Variants in PRKAG2 observed in about 807,000 individuals in gnomAD.
PRKAG2 encodes the protein protein kinase AMP-activated non-catalytic subunit gamma 2.
PRKAG2 carries 26 observed loss-of-function variants against 69.6 expected under a neutral mutation model. The ratio of observed to expected loss-of-function variants is 0.37; its 90% confidence interval spans 0.27 to 0.52. The LOEUF (loss-of-function observed/expected upper bound fraction) is 0.52, where lower values mean the gene tolerates loss of function less well. Ranked by LOEUF, PRKAG2 falls within the 20% of genes least tolerant of loss-of-function variation. PRKAG2 has a pLI of 0.90. For synonymous variants in PRKAG2, 293 were observed against 285.0 expected, an observed-to-expected ratio of 1.03 and a Z score of -0.28; for missense variants, 557 against 740.0, an observed-to-expected ratio of 0.75 and a Z score of 2.87.
chr7:151,610,743 T>TC lies in PRKAG2; in HGVS notation c.755-15290_755-15289insG, dbSNP rs1202426739. On this transcript the variant is annotated intron_variant, in intron 5 of 15. Transcript: ENST00000287878. Reference sequence around the variant, plus strand: ...ATTATAAATATTTTTTCTTTTCTTTTTTTTTTTTTTTTTTTGAGATGGAGT... The same window carrying TC: ...ATTATAAATATTTTTTCTTTTCTTTTCTTTTTTTTTTTTTTTGAGATGGAGT... Among the ~76,000 whole-genome samples the TC allele has an allele frequency of 4.8e-4, 46 of 96,548 alleles. 1 individual carries two copies. The highest frequency in any genetic ancestry group is 2.9e-3 in the East Asian group (7 of 2,424). The allele number at this position is 96,548 out of a possible 152,430, so 63.3% of individuals were successfully genotyped here.
chr7:151,820,108 C>T (rs1009093704), intron 1 of PRKAG2, among the ~76,000 whole-genome samples: 1 of 152,232 alleles, frequency 6.6e-6, no homozygotes, highest in African/African-American at 2.4e-5. Flanking sequence ...CCCACAGTGA[C>T]TTGTCTAACT....
chr7:151,783,838 G>A (rs1026403754), intron 2 of PRKAG2, among the ~76,000 whole-genome samples: 2 of 148,722 alleles, frequency 1.3e-5, no homozygotes, highest in African/African-American at 5.0e-5. Context: ...CCCAGAGATG[G>A]AGGTGGAGGT....
chr7:151,642,720 T>C (rs1585442918), intron 4 of PRKAG2, among the ~76,000 whole-genome samples: 1 of 152,218 alleles, frequency 6.6e-6, no homozygotes, highest in African/African-American at 2.4e-5. Context: ...TAGCAACCAA[T>C]TTGTCCAGCT....
intron 10 of PRKAG2, among the ~76,000 whole-genome samples, chr7:151,569,311 G>A (rs1417107135): frequency 2.0e-5 from 3 of 152,236 alleles, no homozygotes; most frequent in African/African-American, 4.8e-5. Flanking sequence ...CTGGGATTAC[G>A]GGCATGAGCC....
chr7:151,724,434 C>T (rs566612716), intron 3 of PRKAG2, among the ~76,000 whole-genome samples: 4 of 152,224 alleles, frequency 2.6e-5, no homozygotes, highest in African/African-American at 9.6e-5. Flanking sequence ...CACCTGCTCC[C>T]GTCCTCCCCT....
At chr7:151,561,416 C>G (rs933353274) in intron 14 of PRKAG2, among the ~76,000 whole-genome samples, 27 of 152,182 alleles carry the variant, frequency 1.8e-4, no homozygotes, top group African/African-American at 6.5e-4. Flanking sequence ...AAGGTCGCAG[C>G]TCTTACAAGG....
intron 3 of PRKAG2, among the ~76,000 whole-genome samples, chr7:151,735,134 G>C (rs1563554103): frequency 6.6e-6 from 1 of 152,150 alleles, no homozygotes; most frequent in Non-Finnish European, 1.5e-5. Context: ...GGGATTACAG[G>C]CATGAGCCAC....
At chr7:151,692,064 T>C (rs1835746798) in intron 3 of PRKAG2, among the ~76,000 whole-genome samples, 2 of 152,192 alleles carry the variant, frequency 1.3e-5, no homozygotes, top group African/African-American at 4.8e-5. Flanking sequence ...GGCACACTCC[T>C]GTTGTCCCGG....
At chr7:151,633,634 T>C (rs1041690311) in intron 4 of PRKAG2, among the ~76,000 whole-genome samples, 1 of 151,378 alleles carries the variant, frequency 6.6e-6, no homozygotes, top group Non-Finnish European at 1.5e-5. Flanking sequence ...GAAAAATATA[T>C]AAAACAATAT....
intron 1 of PRKAG2, among the ~76,000 whole-genome samples, chr7:151,818,731 C>T (rs1226416173): frequency 6.6e-6 from 1 of 152,268 alleles, no homozygotes; most frequent in Non-Finnish European, 1.5e-5. Flanking sequence ...GGCCCAGCCT[C>T]ATTGACCACA....
chr7:151,856,812 G>A (rs960818408), intron 1 of PRKAG2, among the ~76,000 whole-genome samples: 7 of 152,136 alleles, frequency 4.6e-5, no homozygotes, highest in Non-Finnish European at 7.3e-5. Flanking sequence ...GGATCGCAAG[G>A]CAGGTGTTTC....
chr7:151,859,564 G>C (rs1397668597), intron 1 of PRKAG2, among the ~76,000 whole-genome samples: 1 of 152,190 alleles, frequency 6.6e-6, no homozygotes, highest in African/African-American at 2.4e-5. Context: ...CAGGGGCGAG[G>C]ACTGTGAGAG....
At chr7:151,795,766 A>T (rs926313173) in intron 1 of PRKAG2, among the ~76,000 whole-genome samples, 3 of 149,540 alleles carry the variant, frequency 2.0e-5, no homozygotes, top group African/African-American at 7.4e-5. Flanking sequence ...CGACTGCCTG[A>T]GCTTCTAGTC....
At chr7:151,621,169 T>C (rs1821405506) in intron 5 of PRKAG2, among the ~76,000 whole-genome samples, 1 of 152,240 alleles carries the variant, frequency 6.6e-6, no homozygotes, top group Admixed American at 6.5e-5. Context: ...TTTTCTTCTT[T>C]GTGTGCTATC....
chr7:151,769,385 G>A lies in PRKAG2; in HGVS notation c.466+11767C>T, dbSNP rs143840151. Among the ~76,000 whole-genome samples the A allele has an allele frequency of 3.7e-3, 561 of 152,324 alleles. 6 individuals carry two copies. The highest frequency in any genetic ancestry group is 0.013 in the African/African-American group (525 of 41,570). On this transcript the variant is annotated intron_variant, in intron 3 of 15. Transcript: ENST00000287878. ...TAAGTTGAGGTCGCAGTGGAGTAGG[G>A]TGGGCTCTTAATCTCCTTTGACTGC...
At chr7:151,754,261 C>T (rs550278597) in intron 3 of PRKAG2, among the ~76,000 whole-genome samples, 22 of 152,252 alleles carry the variant, frequency 1.4e-4, no homozygotes, top group Admixed American at 7.2e-4. Context: ...TCCAGGCTGG[C>T]GCCAGAGGGC....
chr7:151,661,332 C>A (rs779915175), intron 4 of PRKAG2, among the ~76,000 whole-genome samples: 1 of 152,146 alleles, frequency 6.6e-6, no homozygotes, highest in Non-Finnish European at 1.5e-5. Context: ...CACAAGCCAC[C>A]GCACCCGGCT....
In PRKAG2 at chr7:151,701,140, G is replaced by A. The variant is rs192673246; in HGVS notation, c.467-25503C>T. 5.3e-4 allele frequency among the ~76,000 whole-genome samples: 81 copies of A among 152,304 alleles called. 1 individual carries two copies. Among genetic ancestry groups the A allele is most frequent in the Middle Eastern group, 6.8e-3 (2 of 294 alleles). On this transcript the variant is annotated intron_variant, in intron 3 of 15. Transcript: ENST00000287878. ...CCCCAGGGAAGCCCCACTGGAGCAGGCACCTGACCCAGACCTGAGGCCTGC... is the reference window on the plus strand; with the variant it reads ...CCCCAGGGAAGCCCCACTGGAGCAGACACCTGACCCAGACCTGAGGCCTGC...
chr7:151,675,355 G>T, intron 4 of PRKAG2, 65 bp downstream of exon 4: 1 of 1,477,324 alleles, frequency 6.8e-7, no homozygotes, highest in Non-Finnish European at 9.4e-7. Flanking sequence ...TCAGCTTGGG[G>T]CAATAACTGC....
Sources: allele counts gnomAD v4.1 joint callset (sites outside exome capture counted in the v4.1 genomes callset), GRCh38; gene constraint gnomAD v4.1.1; transcripts MANE v1.5; gene names NCBI Gene and HGNC (gene_info 2026-07-23, HGNC 2026-07-21).